The following TIAM2 variants were observed in gnomAD, a reference collection of about 807,000 sequenced individuals.
TIAM2 encodes the protein rho guanine nucleotide exchange factor TIAM2.
TIAM2 carries 80 observed loss-of-function variants against 152.9 expected under a neutral mutation model. The ratio of observed to expected loss-of-function variants is 0.52; its 90% confidence interval spans 0.44 to 0.63. The LOEUF is 0.63. Among genes scored for constraint, TIAM2 ranks in the 30% least tolerant of loss-of-function variants. TIAM2 has a pLI of 0.00. For synonymous variants in TIAM2, 804 were observed against 838.0 expected (o/e 0.96, Z 0.70); for missense variants, 1,965 against 2,120.1 (o/e 0.93, Z 1.44).
intron 1 of TIAM2, among the ~76,000 whole-genome samples, chr6:155,010,770 C>T (rs1430857345): frequency 6.7e-6 from 1 of 149,982 alleles, no homozygotes; most frequent in Non-Finnish European, 1.5e-5. Flanking sequence ...TAAATTTAGG[C>T]CAGGCGCGGT....
At chr6:155,239,784 C>T (rs909131219) in intron 15 of TIAM2, among the ~76,000 whole-genome samples, 3 of 152,208 alleles carry the variant, frequency 2.0e-5, no homozygotes, top group Admixed American at 1.3e-4. Flanking sequence ...GCTCCCTCCT[C>T]GCAGAGGTTT....
intron 15 of TIAM2, among the ~76,000 whole-genome samples, chr6:155,221,143 A>C (rs1319361954): frequency 2.0e-5 from 3 of 151,618 alleles, no homozygotes; most frequent in African/African-American, 7.3e-5. Context: ...AAAAAAACAA[A>C]AAAAAACACA....
chr6:155,151,544 G>T (rs1440094678), intron 7 of TIAM2, among the ~76,000 whole-genome samples: 1 of 152,170 alleles, frequency 6.6e-6, no homozygotes, highest in Admixed American at 6.5e-5. Flanking sequence ...AGCCCATAGT[G>T]GTCTTGTATG....
intron 1 of TIAM2, among the ~76,000 whole-genome samples, chr6:155,038,098 G>A (rs1248116485): frequency 6.6e-6 from 1 of 152,174 alleles, no homozygotes; most frequent in Admixed American, 6.5e-5. Context: ...TTCTATTGAA[G>A]GGCACAAATC....
intron 1 of TIAM2, chr6:155,013,917 T>TACACACACACACACACACAAACACAC (rs1778530093): frequency 6.9e-6 from 1 of 145,310 alleles, no homozygotes; most frequent in Middle Eastern, 3.3e-3. Flanking sequence ...TGTATCTGTC[T>TACACACACACACACACACAAACACAC]ACACACACAC....
intron 7 of TIAM2, among the ~76,000 whole-genome samples, chr6:155,150,489 G>A (rs1008725657): frequency 2.0e-5 from 3 of 152,188 alleles, no homozygotes; most frequent in Admixed American, 6.5e-5. Context: ...CGAGCATGGA[G>A]AGACAATTGG....
chr6:155,254,833 G>T, intron 26 of TIAM2: 1 of 425,358 alleles, frequency 2.4e-6, no homozygotes. Context: ...ACTAAGATGT[G>T]CATGGGTCCA....
intron 1 of TIAM2, among the ~76,000 whole-genome samples, chr6:155,063,068 G>T (rs545848772): frequency 6.6e-5 from 10 of 152,070 alleles, no homozygotes; most frequent in African/African-American, 2.4e-4. Flanking sequence ...TTGGGAATAA[G>T]TTCTTTATTG....
At chr6:155,048,523 G>A (rs1036097073) in intron 1 of TIAM2, among the ~76,000 whole-genome samples, 8 of 151,890 alleles carry the variant, frequency 5.3e-5, no homozygotes, top group African/African-American at 1.4e-4. Context: ...AAGTGTGGCC[G>A]TGGAAGGAAG....
chr6:155,193,101 A>T (rs1457630952), intron 14 of TIAM2, among the ~76,000 whole-genome samples: 1 of 152,100 alleles, frequency 6.6e-6, no homozygotes, highest in Admixed American at 6.5e-5. Flanking sequence ...ATTTCATTTC[A>T]CAGTATTAAA....
intron 2 of TIAM2, 129 bp from the exon 3 acceptor site, chr6:155,127,361 T>G (rs536578457): frequency 8.9e-6 from 3 of 338,638 alleles, no homozygotes; most frequent in East Asian, 1.6e-4. Context: ...GACGTTTCAT[T>G]TATTACCTTG....
At chr6:155,147,553 T>C (rs1399991479) in intron 6 of TIAM2, among the ~76,000 whole-genome samples, 1 of 152,204 alleles carries the variant, frequency 6.6e-6, no homozygotes, top group East Asian at 1.9e-4. Flanking sequence ...TAGCGTGATC[T>C]TGGCTGACTG....
At chr6:155,045,044 CTTTTTCTTTTTT>C (rs1215904170) in intron 1 of TIAM2, among the ~76,000 whole-genome samples, 2 of 140,696 alleles carry the variant, frequency 1.4e-5, no homozygotes, top group African/African-American at 5.3e-5. Flanking sequence ...TTTTCTTTTT[CTTTTTCTTTTTT>C]TTTTTTTTTT....
rs778676175 is a variant in TIAM2 at position 155,129,687 on chromosome 6, AC to A, written c.466del (p.Arg156AlafsTer18). On this transcript the variant is annotated frameshift_variant, in exon 4 of 27. Transcript: ENST00000682666. LOFTEE classifies it high-confidence loss of function. This position sits in a 1 kb window ranked among gnomAD's most constrained non-coding sequence, Gnocchi z 4.8. ...ESIASTPPGE[D>X]RKSPRVLIKT... Reference sequence around the variant, plus strand: ...ATTGCCTCCACCCCACCGGGCGAAGACCGCAAGAGCCCCCGAGTGCTCATCA... The same window carrying A: ...ATTGCCTCCACCCCACCGGGCGAAGACGCAAGAGCCCCCGAGTGCTCATCA... The A allele has an allele frequency of 6.2e-7, 1 of 1,614,100 alleles. No homozygotes were observed. Among genetic ancestry groups the A allele is most frequent in the Admixed American group, 1.7e-5 (1 of 60,012 alleles).
In TIAM2 at chr6:155,129,639, A is replaced by G; in HGVS notation, c.416A>G (p.Asn139Ser). 6.2e-7 allele frequency: 1 copy of G among 1,614,144 alleles called. No homozygotes were observed. Among genetic ancestry groups the G allele is most frequent in the Non-Finnish European group, 8.5e-7 (1 of 1,180,042 alleles). Residue 139 changes from asparagine to serine, a missense_variant, in exon 4 of 27, where the codon AAC (asparagine) becomes AGC (serine). Coordinates refer to ENST00000682666, the MANE Select transcript of TIAM2 (RefSeq NM_012454.4). The surrounding 1 kb of genome is among the most constrained non-coding windows in gnomAD (Gnocchi z 4.8). ...AGAGACTGCAACGGACACCTTCTCA[A>G]CTGCTACGGGAGGAATGAGAGCATT... ...TSRDCNGHLL[N>S]CYGRNESIAS... is the part of the protein sequence containing the mutation.
At chr6:155,188,269 A>T (rs1451340888) in intron 14 of TIAM2, among the ~76,000 whole-genome samples, 1 of 152,202 alleles carries the variant, frequency 6.6e-6, no homozygotes, top group South Asian at 2.1e-4. Flanking sequence ...CCATTTGGCA[A>T]ATCGCTTACA....
At chr6:155,189,511 G>GA (rs1447307570) in intron 14 of TIAM2, among the ~76,000 whole-genome samples, 2 of 152,040 alleles carry the variant, frequency 1.3e-5, no homozygotes, top group African/African-American at 2.4e-5. Context: ...TTTAGTGGTG[G>GA]AAAAAATTAA....
chr6:155,028,439 G>GTTACATATACTACATATAATATATATAC (rs1776683995), intron 1 of TIAM2, among the ~76,000 whole-genome samples: 5 of 97,852 alleles, frequency 5.1e-5, no homozygotes, highest in African/African-American at 1.4e-4. Context: ...TATATATACT[G>GTTACATATACTACATATAATATATATAC]TGTTACATAT....
intron 1 of TIAM2, among the ~76,000 whole-genome samples, chr6:155,028,823 ACTGTGTT>A (rs1158976077): frequency 3.0e-5 from 4 of 134,816 alleles, no homozygotes; most frequent in African/African-American, 1.1e-4. Flanking sequence ...TAATATATAT[ACTGTGTT>A]ATATATATAC....
Sources: allele counts gnomAD v4.1 joint callset (sites outside exome capture counted in the v4.1 genomes callset), GRCh38; gene constraint gnomAD v4.1.1; non-coding constraint Gnocchi (gnomAD v3.1); transcripts MANE v1.5; gene names NCBI Gene and HGNC (gene_info 2026-07-23, HGNC 2026-07-21).